Variants in NFX1 observed in about 807,000 individuals in gnomAD.
NFX1 encodes the protein nuclear transcription factor, X-box binding 1, also known as transcriptional repressor NF-X1.
In NFX1, 69 loss-of-function variants were observed where a neutral mutation model predicts 137.2. That is an observed-to-expected ratio of 0.50 (90% CI 0.41 to 0.61). The LOEUF is 0.61. NFX1 is among the 20% of genes least tolerant of loss of function. The probability of loss-of-function intolerance (pLI) is 0.00; values close to 1 mark genes in which losing one functional copy is unlikely to be tolerated. For synonymous variants in NFX1, 495 were observed against 474.1 expected, an observed-to-expected ratio of 1.04 and a Z score of -0.57; for missense variants, 1,167 against 1,391.0, an observed-to-expected ratio of 0.84 and a Z score of 2.56.
At chr9:33,362,594 T>C (rs1824029833) in intron 19 of NFX1, among the ~76,000 whole-genome samples, 1 of 151,350 alleles carries the variant, frequency 6.6e-6, no homozygotes, top group Non-Finnish European at 1.5e-5. Flanking sequence ...ACCAGTGTTG[T>C]CTGACTGAGA....
chr9:33,329,197 G>A (rs1011425692), intron 10 of NFX1, among the ~76,000 whole-genome samples: 1 of 152,194 alleles, frequency 6.6e-6, no homozygotes, highest in Non-Finnish European at 1.5e-5. Context: ...TCCTTTCCCT[G>A]TGGAGTCAGG....
At chr9:33,365,697 A>T (rs1824149458) in intron 21 of NFX1, 3 of 152,276 alleles carry the variant, frequency 2.0e-5, no homozygotes, top group South Asian at 4.1e-4. Flanking sequence ...GGGGCTCAAT[A>T]GTGATAGTTG....
At chr9:33,364,945 A>G in intron 21 of NFX1, 171 bp downstream of exon 21, 3 of 1,428,802 alleles carry the variant, frequency 2.1e-6, no homozygotes, top group Non-Finnish European at 1.8e-6. Context: ...CATCTGTGGA[A>G]GCCTGTCCTG....
intron 13 of NFX1, 129 bp downstream of exon 13, chr9:33,342,983 G>T: frequency 1.5e-6 from 1 of 655,778 alleles, no homozygotes. Context: ...CCAATATGTT[G>T]AGACTTTTTT....
intron 9 of NFX1, among the ~76,000 whole-genome samples, chr9:33,327,996 G>T (rs1348106087): frequency 2.6e-5 from 4 of 152,092 alleles, no homozygotes; most frequent in African/African-American, 7.2e-5. Context: ...TGAGGAAAAA[G>T]AAGATTTATT....
At chr9:33,328,916 A>C (rs986441579) in intron 10 of NFX1, among the ~76,000 whole-genome samples, 1 of 152,186 alleles carries the variant, frequency 6.6e-6, no homozygotes, top group Non-Finnish European at 1.5e-5. Context: ...CCAACTAAGA[A>C]GTTAGAGGAA....
At chr9:33,313,314 C>T (rs767729899) in intron 6 of NFX1, among the ~76,000 whole-genome samples, 1 of 151,482 alleles carries the variant, frequency 6.6e-6, no homozygotes, top group Non-Finnish European at 1.5e-5. Flanking sequence ...GTGGGCCGGG[C>T]GTGGTGGCTC....
intron 14 of NFX1, among the ~76,000 whole-genome samples, chr9:33,345,572 CTT>C (rs1211370587): frequency 1.3e-5 from 2 of 152,146 alleles, no homozygotes; most frequent in South Asian, 4.1e-4. Context: ...TTCTCAGGGT[CTT>C]TTGCCATGTG....
chr9:33,301,556 A>G (rs1050731829), intron 3 of NFX1, 135 bp downstream of exon 3: 10 of 813,370 alleles, frequency 1.2e-5, no homozygotes, highest in Middle Eastern at 3.6e-4. Flanking sequence ...TACCTTGATC[A>G]TGTGTTTCAT....
chr9:33,317,545 A>C (rs1822213389), intron 7 of NFX1, among the ~76,000 whole-genome samples: 1 of 149,050 alleles, frequency 6.7e-6, no homozygotes, highest in Non-Finnish European at 1.5e-5. Context: ...AAAAAAAAAA[A>C]TCAAGGCAGG....
intron 11 of NFX1, among the ~76,000 whole-genome samples, chr9:33,334,577 A>T (rs994670631): frequency 2.6e-5 from 4 of 152,256 alleles, no homozygotes; most frequent in Non-Finnish European, 5.9e-5. Context: ...GTAGTTTGTT[A>T]GTTAGGGTTT....
Position 33,352,732 on chromosome 9 carries a change from TAA to T in NFX1, c.2729+15_2729+16del, listed in dbSNP as rs1452106320. On this transcript the variant is annotated intron_variant, in intron 17 of 23. Coordinates refer to ENST00000379540, the MANE Select transcript of NFX1 (RefSeq NM_002504.6). ...GTACTTATCAAAGGTTAGTGTTACT[TAA>T]ATGTTAACAACTGATGGCCTAGGTG... The T allele has an allele frequency of 6.8e-5, 109 of 1,608,032 alleles. No individual in the cohort carries two copies. Among genetic ancestry groups the T allele is most frequent in the Non-Finnish European group, 9.1e-5 (107 of 1,174,520 alleles).
intron 13 of NFX1, among the ~76,000 whole-genome samples, chr9:33,343,415 G>A (rs1036590401): frequency 6.6e-6 from 1 of 152,110 alleles, no homozygotes; most frequent in African/African-American, 2.4e-5. Context: ...ATAGAAGGTA[G>A]CTGGATTCTT....
intron 10 of NFX1, among the ~76,000 whole-genome samples, chr9:33,330,146 T>G (rs1822749091): frequency 6.6e-6 from 1 of 152,170 alleles, no homozygotes; most frequent in African/African-American, 2.4e-5. Context: ...TTCGGGTGAT[T>G]CAGCTTGGGG....
intron 9 of NFX1, among the ~76,000 whole-genome samples, chr9:33,319,673 C>T (rs1822310660): frequency 6.6e-6 from 1 of 152,158 alleles, no homozygotes. Context: ...CCACGCCCGG[C>T]TAATTTTTGT....
intron 19 of NFX1, among the ~76,000 whole-genome samples, chr9:33,357,261 CACTG>C (rs1171566845): frequency 3.3e-5 from 5 of 151,956 alleles, no homozygotes; most frequent in Non-Finnish European, 7.4e-5. Context: ...GAGATGGTGC[CACTG>C]CACTCTAGCC....
intron 12 of NFX1, among the ~76,000 whole-genome samples, chr9:33,338,973 T>C (rs1427614414): frequency 1.3e-5 from 2 of 152,176 alleles, no homozygotes; most frequent in Non-Finnish European, 2.9e-5. Context: ...ACTGCTTAGG[T>C]CAGGTCAGTA....
intron 19 of NFX1, among the ~76,000 whole-genome samples, chr9:33,358,326 A>G (rs1353719679): frequency 1.3e-5 from 2 of 152,046 alleles, no homozygotes; most frequent in Non-Finnish European, 2.9e-5. Flanking sequence ...GTGTTTCACC[A>G]TGTTAGCCAG....
At chr9:33,328,509 G>A in intron 9 of NFX1, 72 bp from the exon 10 acceptor site, 1 of 1,124,870 alleles carries the variant, frequency 8.9e-7, no homozygotes, top group Non-Finnish European at 1.3e-6. Flanking sequence ...GACCAGTGTG[G>A]CTAGCAAATT....
Sources: gnomAD v4.1 joint callset for allele counts (sites outside exome capture counted in the v4.1 genomes callset) on GRCh38, gnomAD v4.1.1 for gene constraint, MANE v1.5 for transcripts, NCBI Gene and HGNC (gene_info 2026-07-23, HGNC 2026-07-21) for gene names.